The following IQSEC1 variants were observed in gnomAD, a reference collection of about 807,000 sequenced individuals.
IQSEC1 encodes IQ motif and Sec7 domain ArfGEF 1, also known as IQ motif and SEC7 domain-containing protein 1.
Under a neutral mutation model 91.0 loss-of-function variants are expected in IQSEC1, and 31 were observed. The ratio of observed to expected loss-of-function variants is 0.34; its 90% CI spans 0.26 to 0.46. The LOEUF is 0.46. IQSEC1 is among the 20% of genes least tolerant of loss of function. The pLI is 1.00. For synonymous variants in IQSEC1, 699 were observed against 662.6 expected, an observed-to-expected ratio of 1.05 and a Z score of -0.84; for missense variants, 1,388 against 1,575.6, an observed-to-expected ratio of 0.88 and a Z score of 2.02.
intron 2 of IQSEC1, among the ~76,000 whole-genome samples, chr3:13,099,877 C>T (rs1244674478): frequency 6.6e-6 from 1 of 152,208 alleles, no homozygotes; most frequent in Admixed American, 6.5e-5. Context: ...TGCAAAGGCC[C>T]CAAGGGAGCA....
At chr3:13,226,031 C>T (rs1339449323) in intron 1 of IQSEC1, among the ~76,000 whole-genome samples, 2 of 152,180 alleles carry the variant, frequency 1.3e-5, no homozygotes, top group African/African-American at 4.8e-5. Context: ...CAGGCACCCA[C>T]CACCACGCCT....
chr3:13,259,934 C>T lies in IQSEC1; in HGVS notation c.272+22777G>A, dbSNP rs187826274. ...TAGTTCTGCTTGCAATTAAGCAGATCTGCTTTCAAAATATGACTAATTAGA... is the reference window on the plus strand; with the variant it reads ...TAGTTCTGCTTGCAATTAAGCAGATTTGCTTTCAAAATATGACTAATTAGA... On this transcript the variant is annotated intron_variant, in intron 1 of 15. Coordinates refer to the IQSEC1 transcript ENST00000648114. This position sits in a 1 kb window ranked among gnomAD's most constrained non-coding sequence, Gnocchi z 4.6. 8.8e-4 allele frequency among the ~76,000 whole-genome samples: 134 copies of T among 152,388 alleles called. No homozygotes were observed. The highest frequency in any genetic ancestry group is 3.0e-3 in the African/African-American group (123 of 41,600).
At chr3:12,986,554 C>T (rs768598307) in intron 1 of IQSEC1, among the ~76,000 whole-genome samples, 9 of 152,202 alleles carry the variant, frequency 5.9e-5, no homozygotes, top group African/African-American at 1.7e-4. Flanking sequence ...GTGCTCAGCA[C>T]GCACTCATTC....
chr3:12,920,678 G>A, intron 5 of IQSEC1, 82 bp from the exon 6 acceptor site: 4 of 1,427,926 alleles, frequency 2.8e-6, no homozygotes, highest in Non-Finnish European at 3.9e-6. Context: ...GCTGTCATGT[G>A]CCGCTAAGCC....
chr3:13,234,418 T>C (rs1465969696), intron 1 of IQSEC1, among the ~76,000 whole-genome samples: 3 of 152,114 alleles, frequency 2.0e-5, no homozygotes, highest in African/African-American at 7.2e-5. Flanking sequence ...ACCAAGACAA[T>C]GGTTTAAGCT....
At position 13,038,262 on chromosome 3, in the gene IQSEC1, GTATATATATATATATATATATA is replaced by G. The variant is rs58338571; in HGVS notation, c.23+34708_23+34729del. Among the ~76,000 whole-genome samples, 111 of 101,220 alleles carry G rather than the reference GTATATATATATATATATATATA, an allele frequency of 1.1e-3. 6 individuals carry two copies. The South Asian group carries it at 0.035, about 32-fold the overall frequency. 66.4% of individuals were successfully genotyped at this position (101,220 alleles called of 152,430 possible). A position where few individuals can be genotyped will look rare whatever the true frequency, so the allele number is the denominator to read the frequency against. ...CAAGTATATATATGTGTGTGTGTGT[GTATATATATATATATATATATA>G]TATATATATATATAAAATGAAGTAC... On this transcript the variant is annotated intron_variant, in intron 1 of 13. Transcript: ENST00000613206.
chr3:13,006,008 A>C lies in IQSEC1; in HGVS notation c.24-64143T>G, dbSNP rs181115628. ...GGCTCTTCAAGGGGAATTTTATGATAGTAACTTTTTGACTTTGTATATAAT... is the reference window on the plus strand; with the variant it reads ...GGCTCTTCAAGGGGAATTTTATGATCGTAACTTTTTGACTTTGTATATAAT... On this transcript the variant is annotated intron_variant, in intron 1 of 13. Transcript: ENST00000613206. Among the ~76,000 whole-genome samples the C allele has an allele frequency of 9.5e-4, 144 of 152,340 alleles. 1 individual carries two copies. Among genetic ancestry groups the C allele is most frequent in the African/African-American group, 3.2e-3 (132 of 41,578 alleles).
chr3:13,067,515 A>G (rs1705275540), intron 1 of IQSEC1, among the ~76,000 whole-genome samples: 1 of 151,968 alleles, frequency 6.6e-6, no homozygotes, highest in African/African-American at 2.4e-5. Flanking sequence ...CATTCCAGGT[A>G]GTGCATGCAG....
Position 13,042,880 on chromosome 3 carries a change from G to A in IQSEC1, c.23+30112C>T, listed in dbSNP as rs1056764860. On this transcript the variant is annotated intron_variant, in intron 1 of 13. Transcript: ENST00000613206. The stretch of plus-strand genomic sequence containing the variant: ...AAGACCCAGGGAGAGCAGGTAGGGA[G>A]GGGGCCAGATGACAGGCAAACACTG... Among the ~76,000 whole-genome samples the A allele has an allele frequency of 4.6e-5, 7 of 152,322 alleles. 1 individual carries two copies. In the East Asian group the frequency reaches 1.3e-3, roughly 29 times the overall value.
At chr3:13,086,808 C>A (rs1038993149) in intron 2 of IQSEC1, among the ~76,000 whole-genome samples, 3 of 152,230 alleles carry the variant, frequency 2.0e-5, no homozygotes. Flanking sequence ...GGCACTGTCT[C>A]CTCACCCAGT....
At chr3:13,018,084 T>A (rs1019267203) in intron 1 of IQSEC1, among the ~76,000 whole-genome samples, 2 of 152,030 alleles carry the variant, frequency 1.3e-5, no homozygotes, top group African/African-American at 4.8e-5. Context: ...CACTTCAGTG[T>A]GTGGGTGGGT....
At chr3:13,269,193 AGG>A (rs1276261521) in intron 1 of IQSEC1, among the ~76,000 whole-genome samples, 9 of 152,222 alleles carry the variant, frequency 5.9e-5, no homozygotes, top group South Asian at 4.1e-4. Flanking sequence ...TGAGCAAGAG[AGG>A]AACTCAGGCC....
chr3:13,016,627 C>T (rs1471720516), intron 1 of IQSEC1, among the ~76,000 whole-genome samples: 1 of 152,166 alleles, frequency 6.6e-6, no homozygotes, highest in African/African-American at 2.4e-5. Context: ...CCTCAGGGTC[C>T]TTACACCAGC....
chr3:12,956,018 T>C, intron 1 of IQSEC1, among the ~76,000 whole-genome samples: 1 of 152,214 alleles, frequency 6.6e-6, no homozygotes, highest in East Asian at 1.9e-4. Context: ...CTTAAGATTT[T>C]ATATGAAAAT....
intron 1 of IQSEC1, among the ~76,000 whole-genome samples, chr3:13,050,474 G>C (rs1299671032): frequency 6.6e-6 from 1 of 152,178 alleles, no homozygotes; most frequent in Non-Finnish European, 1.5e-5. Context: ...TAAAGTAAAA[G>C]GGCTTTGCAA....
chr3:12,931,715 G>A (rs1697692488), intron 3 of IQSEC1, among the ~76,000 whole-genome samples: 1 of 152,200 alleles, frequency 6.6e-6, no homozygotes, highest in Non-Finnish European at 1.5e-5. Context: ...CCCAGTGACA[G>A]CATCCCCTGC....
In IQSEC1 at chr3:13,113,424, G is replaced by A. The variant is rs1008967483; in HGVS notation, c.302+50680C>T. ...TCAGCCTGTGCATCTGTGAAGTGGGGATGACGCTTGCCCACCCAGGGTGCT... is the reference window on the plus strand; with the variant it reads ...TCAGCCTGTGCATCTGTGAAGTGGGAATGACGCTTGCCCACCCAGGGTGCT... On this transcript the variant is annotated intron_variant, in intron 2 of 15. Coordinates refer to the IQSEC1 transcript ENST00000648114. Among the ~76,000 whole-genome samples the A allele has an allele frequency of 2.0e-5, 3 of 152,330 alleles. No individual in the cohort carries two copies. In the South Asian group the frequency reaches 6.2e-4, roughly 32 times the overall value.
At chr3:13,281,794 T>C (rs935920717) in intron 1 of IQSEC1, among the ~76,000 whole-genome samples, 10 of 152,236 alleles carry the variant, frequency 6.6e-5, no homozygotes, top group South Asian at 2.1e-4. Context: ...CAGTGATTTC[T>C]AGTCTTCCCC....
chr3:13,197,966 C>T (rs758085793), intron 1 of IQSEC1, among the ~76,000 whole-genome samples: 3 of 152,296 alleles, frequency 2.0e-5, no homozygotes, highest in South Asian at 2.1e-4. Flanking sequence ...GTGTGCACAG[C>T]GTGCACCCGG....
Sources: allele counts gnomAD v4.1 joint callset (sites outside exome capture counted in the v4.1 genomes callset), GRCh38; gene constraint gnomAD v4.1.1; non-coding constraint Gnocchi (gnomAD v3.1); transcripts MANE v1.5; gene names NCBI Gene and HGNC (gene_info 2026-07-23, HGNC 2026-07-21).